Variants in RP1 observed in about 807,000 individuals in gnomAD.
RP1 encodes the protein oxygen-regulated protein 1.
In RP1, 16 loss-of-function variants were observed where a neutral mutation model predicts 14.8. That is an observed-to-expected ratio of 1.08 (90% confidence interval 0.73 to 1.65). The LOEUF (loss-of-function observed/expected upper bound fraction) is 1.65. Ranked by LOEUF, RP1 falls within the 40% of genes most tolerant of loss-of-function variation. RP1 has a pLI of 0.00. For synonymous variants in RP1, 876 were observed against 883.6 expected, an observed-to-expected ratio of 0.99 and a Z score of 0.15; for missense variants, 2,631 against 2,535.0, an observed-to-expected ratio of 1.04 and a Z score of -0.81.
At chr8:54,761,001 G>A (rs1413133153) in intron 22 of RP1, among the ~76,000 whole-genome samples, 1 of 152,154 alleles carries the variant, frequency 6.6e-6, no homozygotes, top group African/African-American at 2.4e-5. Context: ...ACAGCACACA[G>A]GCATCTCTGG....
At chr8:54,575,302 A>T (rs753012946) in intron 1 of RP1, among the ~76,000 whole-genome samples, 21 of 152,224 alleles carry the variant, frequency 1.4e-4, no homozygotes, top group Admixed American at 5.2e-4. Flanking sequence ...TGAGATGGAG[A>T]AAAACCAACA....
chr8:54,665,848 G>GAA (rs1807004820), intron 7 of RP1, among the ~76,000 whole-genome samples: 1 of 152,140 alleles, frequency 6.6e-6, no homozygotes, highest in Non-Finnish European at 1.5e-5. Context: ...GTAACCCATG[G>GAA]AAATCGTTGG....
intron 19 of RP1, among the ~76,000 whole-genome samples, chr8:54,748,166 A>G (rs1005341645): frequency 6.6e-6 from 1 of 152,228 alleles, no homozygotes; most frequent in East Asian, 1.9e-4. Flanking sequence ...TAGGTAAGAA[A>G]TGCCTTATTT....
chr8:54,604,783 C>A (rs992371574), intron 1 of RP1, among the ~76,000 whole-genome samples: 80 of 152,046 alleles, frequency 5.3e-4, no homozygotes, highest in African/African-American at 1.5e-3. Flanking sequence ...GTATGTGTTG[C>A]GGAATTTATC....
At chr8:54,858,756 G>A (rs1585753434) in intron 27 of RP1, among the ~76,000 whole-genome samples, 1 of 151,930 alleles carries the variant, frequency 6.6e-6, no homozygotes, top group Non-Finnish European at 1.5e-5. Context: ...GTACAGCAAT[G>A]TTACTATAGA....
rs535678564 is a variant in RP1 at position 54,591,051 on chromosome 8, C to T, written c.-12-29904C>T. Among the ~76,000 whole-genome samples the T allele has an allele frequency of 3.9e-5, 6 of 152,262 alleles. No individual in the cohort carries two copies. The South Asian group carries it at 8.3e-4, about 21-fold the overall frequency. Reference sequence around the variant, plus strand: ...AATATAACCCAACCAATCCACTTATCGTTATTTTCCTGGCTACACACCTCA... The same window carrying T: ...AATATAACCCAACCAATCCACTTATTGTTATTTTCCTGGCTACACACCTCA... On this transcript the variant is annotated intron_variant, in intron 1 of 22. Coordinates refer to the RP1 transcript ENST00000636932.
intron 24 of RP1, among the ~76,000 whole-genome samples, chr8:54,831,878 G>A (rs28773276): frequency 0.31 from 46,239 of 151,140 alleles, 7,261 homozygotes; most frequent in South Asian, 0.37. Context: ...TTAATGAAAA[G>A]ATGTTCATTT....
chr8:54,756,552 T>C (rs1447636169), intron 21 of RP1, among the ~76,000 whole-genome samples: 1 of 152,218 alleles, frequency 6.6e-6, no homozygotes, highest in Non-Finnish European at 1.5e-5. Flanking sequence ...GAAAGCCAGT[T>C]CTGCTTTGAG....
intron 6 of RP1, among the ~76,000 whole-genome samples, chr8:54,661,313 A>ATATGAGATATATG (rs1806893187): frequency 8.6e-5 from 2 of 23,174 alleles, no homozygotes; most frequent in Admixed American, 4.1e-4. Flanking sequence ...TGAGATATAT[A>ATATGAGATATATG]TATATATATG....
intron 22 of RP1, among the ~76,000 whole-genome samples, chr8:54,764,157 G>A (rs1266694210): frequency 6.6e-6 from 1 of 152,200 alleles, no homozygotes; most frequent in Non-Finnish European, 1.5e-5. Flanking sequence ...CTGCAGGCAG[G>A]TGAGGCAGGC....
intron 1 of RP1, among the ~76,000 whole-genome samples, chr8:54,590,039 C>A (rs1805013386): frequency 6.6e-6 from 1 of 152,204 alleles, no homozygotes; most frequent in Non-Finnish European, 1.5e-5. Context: ...CATCTGCCTT[C>A]CTTCTGCTTC....
At chr8:54,754,147 T>A (rs1809441438) in intron 19 of RP1, among the ~76,000 whole-genome samples, 1 of 151,854 alleles carries the variant, frequency 6.6e-6, no homozygotes, top group South Asian at 2.1e-4. Context: ...ATTCACTGGG[T>A]TGGGGGGAAG....
At position 54,628,057 on chromosome 8, in the gene RP1, A is replaced by T. The variant is rs780518944; in HGVS notation, c.4175A>T (p.Asn1392Ile). 2 of 1,614,094 alleles carry T rather than the reference A, an allele frequency of 1.2e-6. No homozygotes were observed. Among genetic ancestry groups the T allele is most frequent in the Non-Finnish European group, 1.7e-6 (2 of 1,179,958 alleles). ...NGFNTLVSHQ[N>I]VSNLSSCGLC... Reference sequence around the variant, plus strand: ...TTTAATACATTGGTGTCACATCAAAATGTCAGTAATTTAAGCTCCTGTGGC... The same window carrying T: ...TTTAATACATTGGTGTCACATCAAATTGTCAGTAATTTAAGCTCCTGTGGC... Residue 1392 changes from asparagine to isoleucine, a missense_variant, in exon 4 of 4, where the codon AAT (asparagine) becomes ATT (isoleucine). Asn to Ile is a moderately radical substitution (Grantham distance 149, BLOSUM62 -3). Transcript: ENST00000220676.
At chr8:54,593,250 C>A (rs1805079085) in intron 1 of RP1, among the ~76,000 whole-genome samples, 1 of 152,130 alleles carries the variant, frequency 6.6e-6, no homozygotes, top group Admixed American at 6.6e-5. Context: ...CTAGAGATTT[C>A]TTTCTTCAAA....
chr8:54,810,819 A>G (rs1810972757), intron 24 of RP1, among the ~76,000 whole-genome samples: 1 of 152,174 alleles, frequency 6.6e-6, no homozygotes. Flanking sequence ...AGAAAAGGGC[A>G]TAAAAGGTGG....
At chr8:54,659,981 A>G (rs1234888216) in intron 6 of RP1, among the ~76,000 whole-genome samples, 1 of 152,062 alleles carries the variant, frequency 6.6e-6, no homozygotes, top group Admixed American at 6.6e-5. Context: ...GCTATTGTAA[A>G]TGCAATTGTT....
At chr8:54,722,978 A>G (rs1808570384) in intron 16 of RP1, among the ~76,000 whole-genome samples, 1 of 152,098 alleles carries the variant, frequency 6.6e-6, no homozygotes, top group Non-Finnish European at 1.5e-5. Context: ...CACCCACCAA[A>G]CAGCAAGAGG....
chr8:54,692,904 C>T (rs946254888), intron 12 of RP1, among the ~76,000 whole-genome samples: 28 of 152,122 alleles, frequency 1.8e-4, no homozygotes, highest in African/African-American at 6.0e-4. Flanking sequence ...TGCCTATGTC[C>T]TGAATGGTAT....
intron 27 of RP1, among the ~76,000 whole-genome samples, chr8:54,865,320 CT>C: frequency 6.6e-6 from 1 of 151,538 alleles, no homozygotes; most frequent in South Asian, 2.1e-4. Flanking sequence ...ATCAGTTTTC[CT>C]TTTCCTTTCT....
Sources: gnomAD v4.1 joint callset for allele counts (sites outside exome capture counted in the v4.1 genomes callset) on GRCh38, gnomAD v4.1.1 for gene constraint, MANE v1.5 for transcripts, NCBI Gene and HGNC (gene_info 2026-07-23, HGNC 2026-07-21) for gene names.